The following BBX variants were observed in gnomAD, a reference collection of about 807,000 sequenced individuals.
BBX encodes the protein BBX high mobility group box domain containing.
Under a neutral mutation model 100.2 loss-of-function variants are expected in BBX, and 30 were observed. The ratio of observed to expected loss-of-function variants is 0.30; its 90% CI spans 0.22 to 0.41. The LOEUF is 0.41. Ranked by LOEUF, BBX falls within the 10% of genes least tolerant of loss-of-function variation. The pLI, the probability that BBX is intolerant of heterozygous loss-of-function variation, is 1.00. For synonymous variants in BBX, 376 were observed against 388.1 expected (o/e 0.97, Z 0.37); for missense variants, 1,023 against 1,129.8 (o/e 0.91, Z 1.35).
chr3:107,677,136 T>G lies in BBX; in HGVS notation c.-10+31227T>G, dbSNP rs190633764. On this transcript the variant is annotated intron_variant, in intron 3 of 17. Transcript: ENST00000325805. ...AACATTCCTGATATGTTCTCAAACA[T>G]AGCATGACATTGGTAACCTGTACTA... 5.8e-4 allele frequency among the ~76,000 whole-genome samples: 88 copies of G among 152,262 alleles called. 2 individuals are homozygous for G. In the East Asian group the frequency reaches 0.013, roughly 22 times the overall value.
At chr3:107,638,890 A>G (rs1559904605) in intron 2 of BBX, among the ~76,000 whole-genome samples, 1 of 149,804 alleles carries the variant, frequency 6.7e-6, no homozygotes, top group Non-Finnish European at 1.5e-5. Flanking sequence ...TCAGGAGGCC[A>G]AGGTGGGAGG....
chr3:107,528,044 G>A (rs2047900321), intron 2 of BBX, among the ~76,000 whole-genome samples: 1 of 152,268 alleles, frequency 6.6e-6, no homozygotes, highest in Admixed American at 6.5e-5. Context: ...ATTTCTTTGA[G>A]ATATCAAGTG....
rs1307358243 is a variant in BBX at position 107,805,915 on chromosome 3, C to A, written c.*458C>A. The A allele has an allele frequency of 1.3e-5, 2 of 158,240 alleles. No homozygotes were observed. The highest frequency in any genetic ancestry group is 2.8e-5 in the Non-Finnish European group (2 of 72,242). The allele number at this position is 158,240 out of a possible 1,614,324, so 9.8% of individuals were successfully genotyped here. A position where few individuals can be genotyped will look rare whatever the true frequency, so the allele number is the denominator to read the frequency against. On this transcript the variant is annotated 3_prime_UTR_variant, in exon 18 of 18. Transcript: ENST00000325805. ...TTAGATATTCTTAGTCTTTTTTGTA[C>A]ATGGAGATTTAAGTTTAAGATGGTT... is the stretch of plus-strand genomic sequence containing the variant.
intron 2 of BBX, among the ~76,000 whole-genome samples, chr3:107,624,839 A>G (rs2056056170): frequency 6.6e-6 from 1 of 152,236 alleles, no homozygotes; most frequent in South Asian, 2.1e-4. Context: ...ATTGCACTCC[A>G]GCCTGAGCAA....
rs2107988965 is a variant in BBX at position 107,680,612 on chromosome 3, G to T, written c.-9-29840G>T. ...AAACCACTATTTATGTAATATTTATGGGAGACCATGTGTGATTCAATTGAA... is the reference window on the plus strand; with the variant it reads ...AAACCACTATTTATGTAATATTTATTGGAGACCATGTGTGATTCAATTGAA... On this transcript the variant is annotated intron_variant, in intron 3 of 17. Coordinates refer to ENST00000325805, the MANE Select transcript of BBX (RefSeq NM_001142568.3). Among the ~76,000 whole-genome samples the T allele has an allele frequency of 1.3e-5, 2 of 152,212 alleles. 1 individual carries two copies. The highest frequency in any genetic ancestry group is 2.9e-5 in the Non-Finnish European group (2 of 67,994).
chr3:107,587,180 CA>C, intron 2 of BBX, among the ~76,000 whole-genome samples: 1 of 151,868 alleles, frequency 6.6e-6, no homozygotes, highest in East Asian at 1.9e-4. Context: ...ACTAAACATA[CA>C]AAAAAATTAG....
At chr3:107,698,105 C>T (rs1177586871) in intron 3 of BBX, among the ~76,000 whole-genome samples, 1 of 151,726 alleles carries the variant, frequency 6.6e-6, no homozygotes, top group Non-Finnish European at 1.5e-5. Flanking sequence ...ATGGCACTCC[C>T]TAGTGAGATG....
At chr3:107,607,165 C>T (rs1006835692) in intron 2 of BBX, among the ~76,000 whole-genome samples, 7 of 152,086 alleles carry the variant, frequency 4.6e-5, no homozygotes, top group East Asian at 1.9e-4. Context: ...AGCACTGTGT[C>T]GGCTCACTGC....
At chr3:107,540,576 G>A (rs1267915888) in intron 2 of BBX, among the ~76,000 whole-genome samples, 1 of 152,180 alleles carries the variant, frequency 6.6e-6, no homozygotes, top group Admixed American at 6.5e-5. Context: ...GTCATATGTA[G>A]ATAATGATTT....
At chr3:107,738,381 G>A (rs73850146) in intron 7 of BBX, among the ~76,000 whole-genome samples, 2,654 of 152,252 alleles carry the variant, frequency 0.017, 74 homozygotes, top group African/African-American at 0.061. Context: ...CTACCCACTT[G>A]CCTGGAGAAT....
At chr3:107,608,951 T>C (rs1209852271) in intron 2 of BBX, among the ~76,000 whole-genome samples, 4 of 152,154 alleles carry the variant, frequency 2.6e-5, no homozygotes, top group African/African-American at 9.7e-5. Flanking sequence ...TCTAATAGTT[T>C]TTGGGGGAAT....
At chr3:107,753,249 G>A (rs1026702347) in intron 9 of BBX, among the ~76,000 whole-genome samples, 3 of 152,174 alleles carry the variant, frequency 2.0e-5, no homozygotes, top group Non-Finnish European at 2.9e-5. Flanking sequence ...GGAAATTAAC[G>A]TATGCCCAGT....
At chr3:107,731,091 C>G (rs2063288019) in intron 6 of BBX, among the ~76,000 whole-genome samples, 1 of 151,154 alleles carries the variant, frequency 6.6e-6, no homozygotes, top group Non-Finnish European at 1.5e-5. Context: ...CAAGCCCTTT[C>G]ATTTAATTGC....
intron 13 of BBX, among the ~76,000 whole-genome samples, chr3:107,784,622 G>A (rs1311098611): frequency 6.6e-6 from 1 of 151,854 alleles, no homozygotes; most frequent in Non-Finnish European, 1.5e-5. Flanking sequence ...TGAAGACACA[G>A]TATAAGAGAA....
At chr3:107,739,564 G>T (rs549825989) in intron 7 of BBX, among the ~76,000 whole-genome samples, 1 of 152,134 alleles carries the variant, frequency 6.6e-6, no homozygotes, top group African/African-American at 2.4e-5. Flanking sequence ...CACATCCTCC[G>T]TAAGTCCCTA....
chr3:107,536,652 G>T (rs1002390247), intron 2 of BBX, among the ~76,000 whole-genome samples: 38 of 152,034 alleles, frequency 2.5e-4, no homozygotes, highest in African/African-American at 8.0e-4. Context: ...AATATTCGAA[G>T]AACTTTTTCC....
intron 14 of BBX, among the ~76,000 whole-genome samples, chr3:107,790,239 A>C (rs1052779922): frequency 1.3e-5 from 2 of 152,142 alleles, no homozygotes; most frequent in Admixed American, 1.3e-4. Context: ...TCATACCATG[A>C]CCACATTTTC....
intron 15 of BBX, among the ~76,000 whole-genome samples, chr3:107,794,047 G>T (rs2069337972): frequency 6.6e-6 from 1 of 152,002 alleles, no homozygotes; most frequent in Non-Finnish European, 1.5e-5. Flanking sequence ...AATAAACCAA[G>T]AACACTACCT....
At chr3:107,776,490 T>C (rs2067329409) in intron 12 of BBX, 1 of 152,052 alleles carries the variant, frequency 6.6e-6, no homozygotes, top group African/African-American at 2.4e-5. Flanking sequence ...AATATTGGCC[T>C]GTCAGGATTC....
Sources: allele counts gnomAD v4.1 joint callset (sites outside exome capture counted in the v4.1 genomes callset), GRCh38; gene constraint gnomAD v4.1.1; transcripts MANE v1.5; gene names NCBI Gene and HGNC (gene_info 2026-07-23, HGNC 2026-07-21).